SHANK2: variants seen among roughly 807,000 people sequenced by gnomAD.
SHANK2 encodes SH3 and multiple ankyrin repeat domains 2.
Under a neutral mutation model 133.7 loss-of-function variants are expected in SHANK2, and 43 were observed. The ratio of observed to expected loss-of-function variants is 0.32; its 90% confidence interval spans 0.25 to 0.41. The LOEUF is 0.41. Ranked by LOEUF, SHANK2 falls within the 10% of genes least tolerant of loss-of-function variation. The pLI, the probability that SHANK2 is intolerant of heterozygous loss-of-function variation, is 1.00. For synonymous variants in SHANK2, 1,017 were observed against 952.8 expected, an observed-to-expected ratio of 1.07 and a Z score of -1.24; for missense variants, 1,994 against 2,235.8, an observed-to-expected ratio of 0.89 and a Z score of 2.18.
chr11:70,494,794 T>G (rs1555156724), intron 21 of SHANK2, among the ~76,000 whole-genome samples: 1 of 152,164 alleles, frequency 6.6e-6, no homozygotes, highest in Non-Finnish European at 1.5e-5. Flanking sequence ...TGCCCCATAG[T>G]GTCCGGGCAG....
chr11:71,092,714 C>T, intron 7 of SHANK2, 125 bp from the exon 8 acceptor site: 1 of 878,602 alleles, frequency 1.1e-6, no homozygotes, highest in South Asian at 1.7e-5. Flanking sequence ...CCCTGAGTAC[C>T]CAGTGCTTCT....
chr11:70,832,655 C>T (rs1948742579), intron 11 of SHANK2, among the ~76,000 whole-genome samples: 1 of 152,198 alleles, frequency 6.6e-6, no homozygotes, highest in Non-Finnish European at 1.5e-5. Context: ...CCAGGCTGCT[C>T]TCTAGTTGTG....
At chr11:70,551,781 G>A (rs560134223) in intron 17 of SHANK2, among the ~76,000 whole-genome samples, 131 of 152,336 alleles carry the variant, frequency 8.6e-4, no homozygotes, top group African/African-American at 2.9e-3. Flanking sequence ...GTCTCTGCTC[G>A]TCCACCTGGT....
chr11:71,225,381 T>C (rs1954622545), intron 1 of SHANK2, among the ~76,000 whole-genome samples: 1 of 152,140 alleles, frequency 6.6e-6, no homozygotes, highest in African/African-American at 2.4e-5. Flanking sequence ...AGCTAGCACA[T>C]TCATCCCCAC....
At chr11:70,611,314 C>G (rs2060654111) in intron 17 of SHANK2, among the ~76,000 whole-genome samples, 1 of 152,232 alleles carries the variant, frequency 6.6e-6, no homozygotes, top group Admixed American at 6.5e-5. Flanking sequence ...TGGCCTTGTT[C>G]TCTGTGGGGA....
intron 17 of SHANK2, among the ~76,000 whole-genome samples, chr11:70,539,367 A>G (rs1554974750): frequency 6.6e-6 from 1 of 152,210 alleles, no homozygotes; most frequent in Non-Finnish European, 1.5e-5. Flanking sequence ...TAAATGAAGA[A>G]CATTTTAGAA....
At chr11:71,179,577 A>G (rs1171500715) in intron 2 of SHANK2, among the ~76,000 whole-genome samples, 2 of 152,162 alleles carry the variant, frequency 1.3e-5, no homozygotes, top group Non-Finnish European at 2.9e-5. Context: ...CCACTTTCAC[A>G]CTTCTCCTCA....
Position 71,188,555 on chromosome 11 carries a change from T to A in SHANK2, c.-13+36142A>T, listed in dbSNP as rs1953722148. Among the ~76,000 whole-genome samples the A allele has an allele frequency of 6.6e-6, 1 of 152,074 alleles. No individual in the cohort carries two copies. The highest frequency in any genetic ancestry group is 2.4e-5 in the African/African-American group (1 of 41,404). ...ATACTGAGTAATTGAAAGGTGGAAA[T>A]AAACGAGGCCCCATGAATTACCCTG... On this transcript the variant is annotated intron_variant, in intron 2 of 25. Coordinates refer to ENST00000601538, the MANE Select transcript of SHANK2 (RefSeq NM_012309.5). This position sits in a 1 kb window ranked among gnomAD's most constrained non-coding sequence, Gnocchi z 4.6.
rs575423166 is a variant in SHANK2, at chr11:70,605,824, C to T, written c.2061+54004G>A. 9.9e-5 allele frequency among the ~76,000 whole-genome samples: 15 copies of T among 152,248 alleles called. No homozygotes were observed. The East Asian group carries it at 1.2e-3, about 12-fold the overall frequency. ...AACTGCACGGCAACAGGCCCCAGGA[C>T]GGCAGGTGGGCTGGCAGCAAGACCA... On this transcript the variant is annotated intron_variant, in intron 17 of 25. Transcript: ENST00000601538.
chr11:70,660,251 A>G (rs573463724), intron 16 of SHANK2, among the ~76,000 whole-genome samples: 1 of 152,310 alleles, frequency 6.6e-6, no homozygotes, highest in Admixed American at 6.5e-5. Flanking sequence ...TTTTCTTTAA[A>G]AGCATCAGTG....
chr11:70,876,954 C>G (rs1480526728), intron 11 of SHANK2, among the ~76,000 whole-genome samples: 2 of 152,226 alleles, frequency 1.3e-5, no homozygotes, highest in Non-Finnish European at 2.9e-5. Context: ...CCACCTGGAC[C>G]TTGGAGAATT....
chr11:70,769,023 C>T (rs531748048), intron 14 of SHANK2, among the ~76,000 whole-genome samples: 40 of 152,254 alleles, frequency 2.6e-4, no homozygotes, highest in Non-Finnish European at 5.0e-4. Flanking sequence ...TCTGCCTTGT[C>T]GGGGTCTGTC....
intron 11 of SHANK2, among the ~76,000 whole-genome samples, chr11:70,855,712 G>A (rs564279500): frequency 6.5e-4 from 99 of 152,320 alleles, no homozygotes; most frequent in African/African-American, 2.4e-3. Context: ...CACAAAAAAT[G>A]TAAGATGAAC....
intron 15 of SHANK2, among the ~76,000 whole-genome samples, chr11:70,689,398 T>C: frequency 6.6e-6 from 1 of 152,156 alleles, no homozygotes; most frequent in East Asian, 1.9e-4. Context: ...GGTAATAAAA[T>C]ACCTTCTTGA....
chr11:70,733,968 G>A (rs955249742), intron 14 of SHANK2, among the ~76,000 whole-genome samples: 18 of 152,334 alleles, frequency 1.2e-4, no homozygotes, highest in East Asian at 1.9e-4. Flanking sequence ...GAGACAAAGC[G>A]AAGCCATGGC....
In SHANK2 at chr11:70,862,609, G is replaced by A. The variant is rs1434993872; in HGVS notation, c.1174+33892C>T. Among the ~76,000 whole-genome samples, 3 of 151,514 alleles carry A rather than the reference G, an allele frequency of 2.0e-5. No individual in the cohort carries two copies. The East Asian group carries it at 5.8e-4, about 29-fold the overall frequency. On this transcript the variant is annotated intron_variant, in intron 11 of 25. Transcript: ENST00000601538. Reference sequence around the variant, plus strand: ...TGATGGACTGGACTGCTGATGGACTGGACTGGCTGATGGACTGGACTGGAC... The same window carrying A: ...TGATGGACTGGACTGCTGATGGACTAGACTGGCTGATGGACTGGACTGGAC...
rs141464647 is a variant in SHANK2, at chr11:70,781,799, A to G, written c.1777+16644T>C. ...AGGAATATAAATCATGCTACTGTAA[A>G]GACACATGCACACGTATGTTTATTG... On this transcript the variant is annotated intron_variant, in intron 14 of 25. Coordinates refer to ENST00000601538, the MANE Select transcript of SHANK2 (RefSeq NM_012309.5). Among the ~76,000 whole-genome samples the G allele has an allele frequency of 4.7e-3, 625 of 133,150 alleles. 7 individuals are homozygous for G. The highest frequency in any genetic ancestry group is 0.017 in the African/African-American group (611 of 34,948). 87.4% of individuals were successfully genotyped at this position (133,150 alleles called of 152,430 possible).
intron 17 of SHANK2, among the ~76,000 whole-genome samples, chr11:70,536,015 ACT>A (rs1276358400): frequency 2.6e-5 from 4 of 151,980 alleles, no homozygotes; most frequent in Non-Finnish European, 5.9e-5. Context: ...ACAGGGCCCA[ACT>A]CTCTGCAGGT....
chr11:70,664,700 C>A (rs79597599), intron 15 of SHANK2, among the ~76,000 whole-genome samples: 1,690 of 152,342 alleles, frequency 0.011, 31 homozygotes, highest in African/African-American at 0.038. Flanking sequence ...TGCCAGCATA[C>A]CCTGCGACGG....
Sources: gnomAD v4.1 joint callset for allele counts (sites outside exome capture counted in the v4.1 genomes callset) on GRCh38, gnomAD v4.1.1 for gene constraint, Gnocchi (gnomAD v3.1) non-coding constraint, MANE v1.5 for transcripts, NCBI Gene and HGNC (gene_info 2026-07-23, HGNC 2026-07-21) for gene names.